Variants in ADAMTS19 observed in about 807,000 individuals in gnomAD.
ADAMTS19 encodes A disintegrin and metalloproteinase with thrombospondin motifs 19.
Under a neutral mutation model 153.3 loss-of-function variants are expected in ADAMTS19, and 93 were observed. The ratio of observed to expected loss-of-function variants is 0.61; its 90% CI spans 0.51 to 0.72. The LOEUF is 0.72. Among genes scored for constraint, ADAMTS19 ranks in the 30% least tolerant of loss-of-function variants. ADAMTS19 has a pLI of 0.00. For synonymous variants in ADAMTS19, 600 were observed against 556.6 expected, an observed-to-expected ratio of 1.08 and a Z score of -1.10; for missense variants, 1,482 against 1,552.1, an observed-to-expected ratio of 0.95 and a Z score of 0.76.
intron 7 of ADAMTS19, among the ~76,000 whole-genome samples, chr5:129,564,086 A>C (rs1753619091): frequency 6.6e-6 from 1 of 152,014 alleles, no homozygotes; most frequent in Admixed American, 6.6e-5. Context: ...TGCCCAGCTA[A>C]TTTTTTGTAT....
chr5:129,542,132 G>T (rs372875675), intron 6 of ADAMTS19, among the ~76,000 whole-genome samples: 1 of 151,976 alleles, frequency 6.6e-6, no homozygotes, highest in Non-Finnish European at 1.5e-5. Flanking sequence ...ATTTTGATTC[G>T]ATATTCTCAG....
chr5:129,583,432 A>C (rs1029003609), intron 7 of ADAMTS19, among the ~76,000 whole-genome samples: 3 of 151,844 alleles, frequency 2.0e-5, no homozygotes, highest in African/African-American at 7.3e-5. Context: ...TGTTCTCTGT[A>C]TTTCCTGAAT....
intron 2 of ADAMTS19, among the ~76,000 whole-genome samples, chr5:129,495,715 C>T (rs185683170): frequency 6.6e-6 from 1 of 152,194 alleles, no homozygotes; most frequent in Admixed American, 6.6e-5. Context: ...CAACTTACCC[C>T]TAATTTCTTT....
chr5:129,573,371 T>A (rs1324497905), intron 7 of ADAMTS19, among the ~76,000 whole-genome samples: 3 of 152,026 alleles, frequency 2.0e-5, no homozygotes, highest in Non-Finnish European at 4.4e-5. Context: ...ATAAATTCTT[T>A]TAGATATCCT....
At chr5:129,527,434 T>G (rs1352144181) in intron 4 of ADAMTS19, among the ~76,000 whole-genome samples, 2 of 150,596 alleles carry the variant, frequency 1.3e-5, no homozygotes. Context: ...TCCTGAGCAC[T>G]CCTCTAAAAT....
At chr5:129,554,933 A>G (rs1343963528) in intron 7 of ADAMTS19, among the ~76,000 whole-genome samples, 1 of 152,184 alleles carries the variant, frequency 6.6e-6, no homozygotes, top group Non-Finnish European at 1.5e-5. Flanking sequence ...ACTCTCTAGT[A>G]AAACAAAGCC....
At chr5:129,496,484 C>A (rs1212192349) in intron 2 of ADAMTS19, among the ~76,000 whole-genome samples, 1 of 152,020 alleles carries the variant, frequency 6.6e-6, no homozygotes, top group African/African-American at 2.4e-5. Flanking sequence ...ACTACCAGTG[C>A]TATGGTCCTT....
chr5:129,730,745 A>C (rs372910425), intron 21 of ADAMTS19, among the ~76,000 whole-genome samples: 2 of 152,282 alleles, frequency 1.3e-5, no homozygotes, highest in South Asian at 4.1e-4. Flanking sequence ...TTATTGACTA[A>C]GAAATTCTAC....
chr5:129,579,920 C>A (rs1749425444), intron 7 of ADAMTS19, among the ~76,000 whole-genome samples: 1 of 152,158 alleles, frequency 6.6e-6, no homozygotes, highest in South Asian at 2.1e-4. Context: ...ACTATACGGG[C>A]TCTTTTTTGG....
At chr5:129,711,418 G>A (rs1756461060) in intron 21 of ADAMTS19, among the ~76,000 whole-genome samples, 1 of 152,182 alleles carries the variant, frequency 6.6e-6, no homozygotes, top group Non-Finnish European at 1.5e-5. Flanking sequence ...GCTCACGCCT[G>A]TAATCCCAGC....
chr5:129,602,598 T>C lies in ADAMTS19; in HGVS notation c.1478+5934T>C, dbSNP rs181814070. On this transcript the variant is annotated intron_variant, in intron 8 of 22. Transcript: ENST00000274487. ...AAATAAACTAATAGAGATTCATTTTTCAGTTTATGCAATATTAATGTCATT... is the reference window on the plus strand; with the variant it reads ...AAATAAACTAATAGAGATTCATTTTCCAGTTTATGCAATATTAATGTCATT... 3.5e-3 allele frequency among the ~76,000 whole-genome samples: 540 copies of C among 152,330 alleles called. 7 individuals are homozygous for C. Among genetic ancestry groups the C allele is most frequent in the Non-Finnish European group, 9.8e-4 (67 of 68,030 alleles).
At chr5:129,502,156 G>C (rs956753454) in intron 2 of ADAMTS19, among the ~76,000 whole-genome samples, 1 of 152,108 alleles carries the variant, frequency 6.6e-6, no homozygotes, top group Non-Finnish European at 1.5e-5. Flanking sequence ...AACAGAAATA[G>C]TTTCTAGAAA....
At chr5:129,558,768 A>C (rs1753400585) in intron 7 of ADAMTS19, among the ~76,000 whole-genome samples, 1 of 152,078 alleles carries the variant, frequency 6.6e-6, no homozygotes, top group Non-Finnish European at 1.5e-5. Context: ...TAAATATGAA[A>C]ATGCAGTTGC....
chr5:129,680,485 G>A (rs540552207), intron 17 of ADAMTS19, among the ~76,000 whole-genome samples: 29 of 152,252 alleles, frequency 1.9e-4, no homozygotes, highest in African/African-American at 4.8e-4. Context: ...TAGGCCAGAC[G>A]TGGTGGCTCA....
chr5:129,629,260 T>C (rs1316092310), intron 10 of ADAMTS19, among the ~76,000 whole-genome samples: 2 of 152,094 alleles, frequency 1.3e-5, no homozygotes, highest in Admixed American at 1.3e-4. Flanking sequence ...AGAATATTAA[T>C]GCAATGACTA....
intron 15 of ADAMTS19, among the ~76,000 whole-genome samples, chr5:129,662,332 A>G (rs1181679928): frequency 2.0e-5 from 3 of 152,158 alleles, no homozygotes; most frequent in African/African-American, 7.2e-5. Flanking sequence ...TCATGATCCA[A>G]CTTCTAAGCT....
chr5:129,483,480 G>C (rs1395077042), intron 2 of ADAMTS19, among the ~76,000 whole-genome samples: 1 of 152,130 alleles, frequency 6.6e-6, no homozygotes, highest in Non-Finnish European at 1.5e-5. Context: ...CAGCATCTAT[G>C]ACCTCTACCC....
rs190777230 is a variant in ADAMTS19, at chr5:129,527,520, G to A, written c.1087-228G>A. Among the ~76,000 whole-genome samples, 422 of 150,282 alleles carry A rather than the reference G, an allele frequency of 2.8e-3. 3 individuals are homozygous for A. Among genetic ancestry groups the A allele is most frequent in the Admixed American group, 6.1e-3 (91 of 15,020 alleles). On this transcript the variant is annotated intron_variant, in intron 4 of 22. Transcript: ENST00000274487. ...AAATATCTCTGAAAGCATGGGTTTGGTGTGTCAGTTATATATTTTCTAATA... is the reference window on the plus strand; with the variant it reads ...AAATATCTCTGAAAGCATGGGTTTGATGTGTCAGTTATATATTTTCTAATA...
intron 10 of ADAMTS19, among the ~76,000 whole-genome samples, chr5:129,634,909 G>A (rs1478788473): frequency 1.3e-5 from 2 of 148,774 alleles, no homozygotes; most frequent in East Asian, 2.0e-4. Context: ...GAGAGAGAGA[G>A]AAATGGGATC....
Sources: gnomAD v4.1 joint callset for allele counts (sites outside exome capture counted in the v4.1 genomes callset) on GRCh38, gnomAD v4.1.1 for gene constraint, MANE v1.5 for transcripts, NCBI Gene and HGNC (gene_info 2026-07-23, HGNC 2026-07-21) for gene names.